Variants in SPATA7 observed in about 807,000 individuals in gnomAD.
SPATA7 encodes spermatogenesis-associated protein 7.
In SPATA7, 43 loss-of-function variants were observed where a neutral mutation model predicts 51.8. That is an observed-to-expected ratio of 0.83 (90% CI 0.65 to 1.07). The LOEUF (loss-of-function observed/expected upper bound fraction) is 1.07. Ranked by LOEUF, SPATA7 falls within the 50% of genes least tolerant of loss-of-function variation. The pLI is 0.00. For synonymous variants in SPATA7, 230 were observed against 252.8 expected (o/e 0.91, Z 0.86); for missense variants, 683 against 701.3 (o/e 0.97, Z 0.30).
chr14:88,464,429 C>T (rs1283230453), intron 4 of SPATA7, among the ~76,000 whole-genome samples: 1 of 152,018 alleles, frequency 6.6e-6, no homozygotes, highest in Non-Finnish European at 1.5e-5. Flanking sequence ...AAAAGAGTTC[C>T]TTTAAAAAGT....
chr14:88,449,183 T>C (rs1246227811), intron 3 of SPATA7, among the ~76,000 whole-genome samples: 1 of 152,158 alleles, frequency 6.6e-6, no homozygotes, highest in Non-Finnish European at 1.5e-5. Flanking sequence ...TCTTTCAGAC[T>C]TCATGATGTA....
chr14:88,434,045 G>C (rs955937387), intron 10 of SPATA7, among the ~76,000 whole-genome samples: 2 of 152,094 alleles, frequency 1.3e-5, no homozygotes, highest in East Asian at 1.9e-4. Flanking sequence ...TTGGCAATCT[G>C]TATCACAATA....
At chr14:88,463,754 T>C (rs1351797018) in intron 4 of SPATA7, among the ~76,000 whole-genome samples, 1 of 152,196 alleles carries the variant, frequency 6.6e-6, no homozygotes, top group Admixed American at 6.5e-5. Flanking sequence ...ACTTTAACAA[T>C]CCAAGGACTT....
Position 88,396,201 on chromosome 14 carries a change from A to C in SPATA7, c.236A>C (p.Lys79Thr), listed in dbSNP as rs1356730104. ...SVPVSVSTSIKYADQQRREKL... is the reference protein window; with the variant it reads ...SVPVSVSTSITYADQQRREKL... ...CCAGTAAGCGTGAGTACCAGCATAA[A>C]GTGTAAGTAATTTTTGGACATTATT... The change falls in exon 4 of 12, where the codon AAG becomes ACG. Residue 79 changes from lysine (K) to threonine (T), a missense_variant and splice_region_variant. Coordinates refer to ENST00000393545, the MANE Select transcript of SPATA7 (RefSeq NM_018418.5). 6.2e-7 allele frequency: 1 copy of C among 1,608,336 alleles called. No homozygotes were observed. Among genetic ancestry groups the C allele is most frequent in the South Asian group, 1.1e-5 (1 of 90,854 alleles).
At chr14:88,467,295 C>A (rs942099588) in intron 4 of SPATA7, 1 of 152,106 alleles carries the variant, frequency 6.6e-6, no homozygotes, top group Non-Finnish European at 1.5e-5. Context: ...TGCTTAAAAC[C>A]ACCCTAGGCA....
In SPATA7 at chr14:88,469,013, G is replaced by C; in HGVS notation, c.255-834G>C. 1 of 1,614,182 alleles carries C rather than the reference G, an allele frequency of 6.2e-7. No homozygotes were observed. Among genetic ancestry groups the C allele is most frequent in the African/African-American group, 1.3e-5 (1 of 75,042 alleles). The stretch of plus-strand genomic sequence containing the variant: ...GCAGTGGACCAACAACGGAGGGTTG[G>C]GGCTTTGGGGATCACTTGTGCTATT... On this transcript the variant is annotated intron_variant, in intron 4 of 4. Transcript: ENST00000556406. This position sits in a 1 kb window ranked among gnomAD's most constrained non-coding sequence, Gnocchi z 4.3.
At chr14:88,442,718 T>G (rs149288449), downstream of SPATA7, among the ~76,000 whole-genome samples, 52 of 152,256 alleles carry the variant, frequency 3.4e-4, no homozygotes, top group Non-Finnish European at 5.7e-4. Context: ...TTTTTGCATC[T>G]GTGTTCATCA....
chr14:88,435,977 G>T (rs2077077352), intron 10 of SPATA7, among the ~76,000 whole-genome samples: 1 of 152,040 alleles, frequency 6.6e-6, no homozygotes. Flanking sequence ...TTTTTTGAGG[G>T]ACCTCCAAAC....
chr14:88,424,483 TTAAA>T lies in SPATA7; in HGVS notation c.373-1745_373-1742del, dbSNP rs551905549. On this transcript the variant is annotated intron_variant, in intron 5 of 11. Transcript: ENST00000393545. The stretch of plus-strand genomic sequence containing the variant: ...TTTCTTCAGTGTTTCATTTTGTTTA[TTAAA>T]TAACCATTACCGATAACATTTCTTT... Among the ~76,000 whole-genome samples the T allele has an allele frequency of 1.7e-3, 261 of 152,336 alleles. 1 individual carries two copies. The highest frequency in any genetic ancestry group is 5.7e-3 in the African/African-American group (239 of 41,590).
At position 88,437,974 on chromosome 14, in the gene SPATA7, A is replaced by C. The variant is rs1351484323; in HGVS notation, c.1352A>C (p.Glu451Ala). Reference sequence around the variant, plus strand: ...AAGGCTGGGAATTCAGAACCAAATGAATTAAAAAATGAAAGTGAAGTAACA... The same window carrying C: ...AAGGCTGGGAATTCAGAACCAAATGCATTAAAAAATGAAAGTGAAGTAACA... Reference protein sequence around the residue: ...FEKAGNSEPNELKNESEVTIQ... With the variant: ...FEKAGNSEPNALKNESEVTIQ... The change falls in exon 12 of 12, where the codon GAA (glutamate) becomes GCA (alanine). Residue 451 changes from glutamate to alanine, a missense_variant. By Grantham distance (107) the Glu-to-Ala change is moderately radical (BLOSUM62 -1). Coordinates refer to ENST00000393545, the MANE Select transcript of SPATA7 (RefSeq NM_018418.5). 6.2e-7 allele frequency: 1 copy of C among 1,614,090 alleles called. No individual in the cohort carries two copies. The highest frequency in any genetic ancestry group is 1.7e-5 in the Admixed American group (1 of 59,994).
intron 4 of SPATA7, among the ~76,000 whole-genome samples, chr14:88,401,827 A>T (rs2076066878): frequency 8.7e-6 from 1 of 114,746 alleles, no homozygotes; most frequent in Non-Finnish European, 1.8e-5. Context: ...GCAGAGAAAG[A>T]CCCTGTCTCA....
At chr14:88,394,105 G>A (rs2075818064) in intron 3 of SPATA7, among the ~76,000 whole-genome samples, 1 of 152,148 alleles carries the variant, frequency 6.6e-6, no homozygotes, top group African/African-American at 2.4e-5. Context: ...AAATTCAAAT[G>A]TAGTTATCCA....
intron 3 of SPATA7, among the ~76,000 whole-genome samples, chr14:88,393,988 A>G (rs2075813409): frequency 6.6e-6 from 1 of 152,184 alleles, no homozygotes; most frequent in South Asian, 2.1e-4. Flanking sequence ...TACACCGTTC[A>G]GGCCAAACCC....
intron 5 of SPATA7, among the ~76,000 whole-genome samples, chr14:88,422,679 A>G (rs1469780122): frequency 6.6e-6 from 1 of 150,558 alleles, no homozygotes; most frequent in South Asian, 2.1e-4. Flanking sequence ...TCCAATAGCA[A>G]CTATAACCCT....
Position 88,437,256 on chromosome 14 carries a change from G to T in SPATA7, c.1161-287G>T, listed in dbSNP as rs538917258. ...CGGGGTAGAGAGGCTTTGGGTGTTT[G>T]CATATGTCTGTGAGAGAAAAACAGC... On this transcript the variant is annotated intron_variant, in intron 10 of 11. Transcript: ENST00000393545. Among the ~76,000 whole-genome samples, 6 of 151,766 alleles carry T rather than the reference G, an allele frequency of 4.0e-5. No individual in the cohort carries two copies. The East Asian group carries it at 1.2e-3, about 29-fold the overall frequency.
chr14:88,438,586 T>C, downstream of SPATA7: 1 of 693,382 alleles, frequency 1.4e-6, no homozygotes, highest in Non-Finnish European at 2.5e-6. Context: ...TATCCCACAG[T>C]TTTGTGGATC....
chr14:88,387,965 C>A (rs1383122778), intron 1 of SPATA7, among the ~76,000 whole-genome samples: 1 of 152,132 alleles, frequency 6.6e-6, no homozygotes, highest in Non-Finnish European at 1.5e-5. Flanking sequence ...CTCTGGGAGG[C>A]TGAGGCAGGT....
chr14:88,452,216 C>T (rs2077255725), intron 3 of SPATA7, among the ~76,000 whole-genome samples: 1 of 152,138 alleles, frequency 6.6e-6, no homozygotes, highest in South Asian at 2.1e-4. Context: ...CCCAGCAGGG[C>T]TACCAAGCTC....
chr14:88,415,155 A>G, intron 4 of SPATA7: 1 of 235,830 alleles, frequency 4.2e-6, no homozygotes, highest in Non-Finnish European at 9.2e-6. Flanking sequence ...TGCCAGTGGG[A>G]TGTTGAAGTC....
Sources: gnomAD v4.1 joint callset for allele counts (sites outside exome capture counted in the v4.1 genomes callset) on GRCh38, gnomAD v4.1.1 for gene constraint, Gnocchi (gnomAD v3.1) non-coding constraint, MANE v1.5 for transcripts, NCBI Gene and HGNC (gene_info 2026-07-23, HGNC 2026-07-21) for gene names.